NBAS: variants seen among roughly 807,000 people sequenced by gnomAD.
NBAS encodes the protein NAG/BC035112 fusion.
Under a neutral mutation model 302.5 loss-of-function variants are expected in NBAS, and 219 were observed. The ratio of observed to expected loss-of-function variants is 0.72; its 90% CI spans 0.65 to 0.81. The LOEUF (loss-of-function observed/expected upper bound fraction) is 0.81. Among genes scored for constraint, NBAS ranks in the 30% least tolerant of loss-of-function variants. The probability of loss-of-function intolerance (pLI) is 0.00; values close to 1 mark genes in which losing one functional copy is unlikely to be tolerated. For synonymous variants in NBAS, 1,118 were observed against 1,021.6 expected, an observed-to-expected ratio of 1.09 and a Z score of -1.80; for missense variants, 2,932 against 2,841.6, an observed-to-expected ratio of 1.03 and a Z score of -0.72.
At position 15,356,417 on chromosome 2, in the gene NBAS, C is replaced by G; in HGVS notation, c.3818-1G>C. The stretch of plus-strand genomic sequence containing the variant: ...CCCCGCCTTTCTTCTGGGTTCTCAC[C>G]TGTAAGTCCAAGCAAAGGACTTAAT... On this transcript the variant is annotated splice_acceptor_variant, in intron 32 of 51. Coordinates refer to ENST00000281513, the MANE Select transcript of NBAS (RefSeq NM_015909.4). LOFTEE classifies it high-confidence loss of function. 6.2e-7 allele frequency: 1 copy of G among 1,610,914 alleles called. No homozygotes were observed. The highest frequency in any genetic ancestry group is 1.1e-5 in the South Asian group (1 of 91,028).
chr2:15,330,714 TGGTCCAGCGCA>T lies in NBAS; in HGVS notation c.4220_4230del (p.Leu1407TyrfsTer24), dbSNP rs777057475. 3.7e-6 allele frequency: 6 copies of T among 1,614,074 alleles called. No homozygotes were observed. Among genetic ancestry groups the T allele is most frequent in the Non-Finnish European group, 5.1e-6 (6 of 1,179,964 alleles). On this transcript the variant is annotated frameshift_variant, in exon 36 of 52. Transcript: ENST00000281513. LOFTEE classifies it high-confidence loss of function. ...GAAAGGACTTTCATGGTGGTAGCAG[TGGTCCAGCGCA>T]ATAGGTCAGCTGAATTGCTACCTGG...
chr2:15,504,248 C>T (rs778089342), intron 10 of NBAS, 35 bp from the exon 11 acceptor site: 2 of 1,472,492 alleles, frequency 1.4e-6, no homozygotes, highest in Non-Finnish European at 1.9e-6. Context: ...AGAAAGATTA[C>T]TGAAATGACT....
chr2:15,319,665 G>C (rs368544237), intron 38 of NBAS, among the ~76,000 whole-genome samples: 2 of 151,990 alleles, frequency 1.3e-5, no homozygotes, highest in African/African-American at 2.4e-5. Flanking sequence ...ATAAATTCCT[G>C]GACACATACA....
the NBAS span, among the ~76,000 whole-genome samples, chr2:15,052,219 C>T: frequency 2.0e-5 from 3 of 152,156 alleles, no homozygotes; most frequent in Admixed American, 2.0e-4. Flanking sequence ...GAATACAGGT[C>T]ATGTGGCATC....
the NBAS span, among the ~76,000 whole-genome samples, chr2:15,140,021 G>A: frequency 1.2e-4 from 18 of 152,160 alleles, no homozygotes; most frequent in Non-Finnish European, 2.5e-4. Context: ...AATGCAATAT[G>A]ACTTCCAAGG....
At chr2:14,860,123 A>T in the NBAS span, among the ~76,000 whole-genome samples, 1 of 152,154 alleles carries the variant, frequency 6.6e-6, no homozygotes, top group Non-Finnish European at 1.5e-5. Flanking sequence ...GAAAAATGCA[A>T]ATCAAAACCA....
chr2:15,056,223 TG>T, the NBAS span, among the ~76,000 whole-genome samples: 1 of 152,326 alleles, frequency 6.6e-6, no homozygotes, highest in Non-Finnish European at 1.5e-5. Flanking sequence ...CTGGAACTTT[TG>T]GCAAAACCTG....
the NBAS span, among the ~76,000 whole-genome samples, chr2:14,809,503 G>A: frequency 3.3e-5 from 5 of 152,216 alleles, no homozygotes; most frequent in Non-Finnish European, 7.3e-5. Context: ...GCCTGTGGGT[G>A]CACAGAAGTC....
the NBAS span, among the ~76,000 whole-genome samples, chr2:14,853,978 C>T: frequency 8.6e-5 from 12 of 138,892 alleles, no homozygotes; most frequent in Admixed American, 5.0e-4. Flanking sequence ...TGCTAGATGA[C>T]GAGTTAGTGG....
rs1044739876 is a variant in NBAS at position 15,474,622 on chromosome 2, G to A, written c.1342-298C>T. Among the ~76,000 whole-genome samples, 10 of 151,900 alleles carry A rather than the reference G, an allele frequency of 6.6e-5. No individual in the cohort carries two copies. The East Asian group carries it at 1.2e-3, about 18-fold the overall frequency. ...GTCACCCAGGCTGGAATGCAGTGGC[G>A]TGATCTCAGCTTACTGCAACCTCGG... On this transcript the variant is annotated intron_variant, in intron 14 of 51. Coordinates refer to ENST00000281513, the MANE Select transcript of NBAS (RefSeq NM_015909.4).
At chr2:15,543,352 G>A (rs1375976009) in intron 6 of NBAS, among the ~76,000 whole-genome samples, 2 of 152,032 alleles carry the variant, frequency 1.3e-5, no homozygotes, top group Admixed American at 1.3e-4. Context: ...TCCTTAGAAG[G>A]CATTCTGTGA....
chr2:15,210,356 G>A (rs976783434), intron 48 of NBAS, among the ~76,000 whole-genome samples: 2 of 151,994 alleles, frequency 1.3e-5, no homozygotes, highest in East Asian at 1.9e-4. Context: ...AATGGCAAAT[G>A]GGTACATGAA....
At chr2:14,946,709 TACCCA>T in the NBAS span, among the ~76,000 whole-genome samples, 3 of 152,172 alleles carry the variant, frequency 2.0e-5, no homozygotes, top group African/African-American at 7.2e-5. Flanking sequence ...ACAGAACATT[TACCCA>T]ACTATTGTAG....
At chr2:14,921,992 T>C in the NBAS span, among the ~76,000 whole-genome samples, 10 of 152,168 alleles carry the variant, frequency 6.6e-5, no homozygotes, top group African/African-American at 2.4e-4. Flanking sequence ...ATCTACCACA[T>C]GCCAGGAACC....
chr2:15,273,104 T>C (rs542864723), intron 44 of NBAS, among the ~76,000 whole-genome samples: 1 of 152,222 alleles, frequency 6.6e-6, no homozygotes, highest in South Asian at 2.1e-4. Flanking sequence ...TTCCCTTTCT[T>C]CCCTCACATA....
At chr2:14,928,180 A>G in the NBAS span, among the ~76,000 whole-genome samples, 3 of 152,074 alleles carry the variant, frequency 2.0e-5, no homozygotes, top group African/African-American at 7.2e-5. Context: ...AATCTCTTCT[A>G]TTTTCTTCTG....
chr2:14,878,201 G>A, the NBAS span, among the ~76,000 whole-genome samples: 1 of 152,162 alleles, frequency 6.6e-6, no homozygotes, highest in African/African-American at 2.4e-5. Context: ...CTGGCAAACA[G>A]ACTTTAAGAT....
At chr2:15,025,354 T>C in the NBAS span, among the ~76,000 whole-genome samples, 56,892 of 152,116 alleles carry the variant, frequency 0.37, 11,148 homozygotes, top group African/African-American at 0.49. Context: ...ACCATTCTGT[T>C]TGGGTTACCA....
the NBAS span, among the ~76,000 whole-genome samples, chr2:14,856,865 G>GA: frequency 0.21 from 32,201 of 151,778 alleles, 5,514 homozygotes; most frequent in African/African-American, 0.48. Flanking sequence ...ATCCAAATTG[G>GA]AAAAAAGGTA....
Sources: allele counts gnomAD v4.1 joint callset (sites outside exome capture counted in the v4.1 genomes callset), GRCh38; gene constraint gnomAD v4.1.1; transcripts MANE v1.5; gene names NCBI Gene and HGNC (gene_info 2026-07-23, HGNC 2026-07-21).